WWOX: variants seen among roughly 807,000 people sequenced by gnomAD.
WWOX encodes the protein WW domain containing oxidoreductase, also known as WW domain-containing oxidoreductase.
In WWOX, 69 loss-of-function variants were observed where a neutral mutation model predicts 46.2. The ratio of observed to expected loss-of-function variants is 1.49; its 90% CI spans 1.23 to 1.82. The LOEUF is 1.82. WWOX is among the 40% of genes most tolerant of loss of function. The pLI is 0.00. For missense variants in WWOX, 919 were observed against 542.6 expected, an observed-to-expected ratio of 1.69 and a Z score of -6.89; for synonymous variants, 359 against 202.6, an observed-to-expected ratio of 1.77 and a Z score of -6.56.
At chr16:78,394,760 TA>T (rs1297064991) in intron 6 of WWOX, among the ~76,000 whole-genome samples, 1 of 152,126 alleles carries the variant, frequency 6.6e-6, no homozygotes, top group Non-Finnish European at 1.5e-5. Context: ...AGTGTTGCAA[TA>T]AAACTTTACA....
intron 8 of WWOX, among the ~76,000 whole-genome samples, chr16:78,812,555 C>G (rs1345709727): frequency 1.3e-5 from 2 of 151,634 alleles, no homozygotes; most frequent in Non-Finnish European, 2.9e-5. Context: ...AACTCCTTCT[C>G]TACTAAAAAT....
At chr16:78,237,852 T>C (rs2037494885) in intron 5 of WWOX, among the ~76,000 whole-genome samples, 1 of 152,246 alleles carries the variant, frequency 6.6e-6, no homozygotes, top group South Asian at 2.1e-4. Context: ...TTTTGCCTCT[T>C]GGCTCACAAA....
intron 8 of WWOX, among the ~76,000 whole-genome samples, chr16:79,054,267 C>G (rs114503898): frequency 0.018 from 2,769 of 152,292 alleles, 99 homozygotes; most frequent in African/African-American, 0.064. Flanking sequence ...TATACGATAG[C>G]TACTTAAATC....
At chr16:78,737,407 G>A (rs1287590525) in intron 8 of WWOX, among the ~76,000 whole-genome samples, 1 of 152,052 alleles carries the variant, frequency 6.6e-6, no homozygotes, top group East Asian at 1.9e-4. Flanking sequence ...AAAGTGCTGG[G>A]ATTACAGGTG....
intron 8 of WWOX, among the ~76,000 whole-genome samples, chr16:78,562,075 C>T (rs538159612): frequency 6.6e-6 from 1 of 152,148 alleles, no homozygotes; most frequent in Non-Finnish European, 1.5e-5. Flanking sequence ...GGGCACTCAA[C>T]AAACATCACT....
At chr16:79,063,159 C>T (rs889118386) in intron 8 of WWOX, among the ~76,000 whole-genome samples, 3 of 152,182 alleles carry the variant, frequency 2.0e-5, no homozygotes, top group Non-Finnish European at 4.4e-5. Flanking sequence ...GGATTCATTT[C>T]AGTAGAAGGA....
intron 8 of WWOX, among the ~76,000 whole-genome samples, chr16:78,545,935 C>G (rs776149563): frequency 6.6e-5 from 10 of 152,154 alleles, no homozygotes; most frequent in Non-Finnish European, 1.3e-4. Context: ...CATCATTTAA[C>G]TTAGTTACCC....
intron 5 of WWOX, among the ~76,000 whole-genome samples, chr16:78,369,647 C>T (rs1461362638): frequency 1.3e-5 from 2 of 151,640 alleles, no homozygotes; most frequent in Non-Finnish European, 2.9e-5. Flanking sequence ...TACTGTTATC[C>T]ATCCTATTGT....
intron 5 of WWOX, among the ~76,000 whole-genome samples, chr16:78,378,029 A>T (rs1006505105): frequency 3.9e-5 from 6 of 151,976 alleles, no homozygotes; most frequent in African/African-American, 1.2e-4. Flanking sequence ...AGGGCCCTGG[A>T]GTGAAGGTTG....
At chr16:78,990,510 A>G (rs920064005) in intron 8 of WWOX, among the ~76,000 whole-genome samples, 1 of 152,234 alleles carries the variant, frequency 6.6e-6, no homozygotes, top group Admixed American at 6.5e-5. Flanking sequence ...CATTCTATCA[A>G]TGCCAAAATG....
intron 8 of WWOX, among the ~76,000 whole-genome samples, chr16:78,687,283 G>A (rs531256393): frequency 4.6e-5 from 7 of 152,166 alleles, no homozygotes; most frequent in Admixed American, 3.3e-4. Context: ...TCTCCATGTC[G>A]TAATTCTAAT....
At chr16:78,452,776 C>G (rs2151413725) in intron 8 of WWOX, among the ~76,000 whole-genome samples, 1 of 151,066 alleles carries the variant, frequency 6.6e-6, no homozygotes, top group African/African-American at 2.5e-5. Context: ...TGTGCCTAGC[C>G]TTAATAAATA....
At chr16:78,772,080 G>T (rs959826131) in intron 8 of WWOX, among the ~76,000 whole-genome samples, 1 of 152,094 alleles carries the variant, frequency 6.6e-6, no homozygotes, top group East Asian at 1.9e-4. Flanking sequence ...TACATGTGCA[G>T]GTTTGTTATA....
At chr16:78,871,579 T>G (rs2044129715) in intron 8 of WWOX, among the ~76,000 whole-genome samples, 1 of 152,148 alleles carries the variant, frequency 6.6e-6, no homozygotes, top group Non-Finnish European at 1.5e-5. Flanking sequence ...AATCCTAAAT[T>G]GAGGCTTACT....
intron 8 of WWOX, among the ~76,000 whole-genome samples, chr16:78,616,135 A>G (rs1229797705): frequency 1.3e-5 from 2 of 152,056 alleles, no homozygotes; most frequent in East Asian, 1.9e-4. Context: ...TGGCCTGGAA[A>G]GGGTATTGGT....
intron 8 of WWOX, among the ~76,000 whole-genome samples, chr16:78,481,136 A>G (rs1021136617): frequency 6.6e-6 from 1 of 152,236 alleles, no homozygotes; most frequent in Admixed American, 6.5e-5. Context: ...GCTTTAACCT[A>G]TACCATTCCT....
intron 8 of WWOX, among the ~76,000 whole-genome samples, chr16:78,457,181 C>T (rs1156809666): frequency 1.3e-5 from 2 of 152,176 alleles, no homozygotes; most frequent in East Asian, 3.9e-4. Flanking sequence ...CTGTTGTCTT[C>T]ATTAATAGAC....
chr16:78,634,784 A>T (rs886284639), intron 8 of WWOX, among the ~76,000 whole-genome samples: 1 of 150,416 alleles, frequency 6.6e-6, no homozygotes, highest in Non-Finnish European at 1.5e-5. Flanking sequence ...GCTGAGGGCC[A>T]ATAGTTTAGA....
intron 8 of WWOX, among the ~76,000 whole-genome samples, chr16:79,188,987 A>C (rs555671194): frequency 6.6e-6 from 1 of 152,318 alleles, no homozygotes; most frequent in Non-Finnish European, 1.5e-5. Flanking sequence ...ATATTGTGAC[A>C]CATAGTGGAA....
Sources: allele counts gnomAD v4.1 joint callset (sites outside exome capture counted in the v4.1 genomes callset), GRCh38; gene constraint gnomAD v4.1.1; transcripts MANE v1.5; gene names NCBI Gene and HGNC (gene_info 2026-07-23, HGNC 2026-07-21).